GADL1: variants seen among roughly 807,000 people sequenced by gnomAD.
GADL1 encodes acidic amino acid decarboxylase GADL1.
In GADL1, 71 loss-of-function variants were observed where a neutral mutation model predicts 69.5. That is an observed-to-expected ratio of 1.02 (90% confidence interval 0.84 to 1.25). The LOEUF (loss-of-function observed/expected upper bound fraction) is 1.25. Among genes scored for constraint, GADL1 ranks in the 50% most tolerant of loss-of-function variants. The pLI, the probability that GADL1 is intolerant of heterozygous loss-of-function variation, is 0.00. For missense variants in GADL1, 737 were observed against 631.8 expected (o/e 1.17, Z -1.79); for synonymous variants, 254 against 214.4 (o/e 1.18, Z -1.62).
intron 14 of GADL1, among the ~76,000 whole-genome samples, chr3:30,766,847 G>A (rs201952769): frequency 2.1e-5 from 1 of 47,526 alleles, no homozygotes; most frequent in Admixed American, 2.1e-4. Context: ...TATGGGACAA[G>A]GGGGGAAACA....
At chr3:30,737,142 C>T (rs780180448) in intron 14 of GADL1, among the ~76,000 whole-genome samples, 2 of 152,032 alleles carry the variant, frequency 1.3e-5, no homozygotes, top group Admixed American at 1.3e-4. Context: ...GAATTTCAGT[C>T]GAATAAGCCT....
At chr3:30,821,721 TA>T (rs1697584640) in intron 11 of GADL1, among the ~76,000 whole-genome samples, 1 of 151,284 alleles carries the variant, frequency 6.6e-6, no homozygotes, top group Non-Finnish European at 1.5e-5. Flanking sequence ...GAAGAATAAA[TA>T]GATGATAATA....
chr3:30,840,211 G>A (rs920698579), intron 8 of GADL1, among the ~76,000 whole-genome samples: 5 of 152,120 alleles, frequency 3.3e-5, no homozygotes, highest in African/African-American at 7.2e-5. Context: ...TTTAATGCCA[G>A]GGATTATTGT....
At chr3:30,742,297 C>T (rs1278524048) in intron 14 of GADL1, among the ~76,000 whole-genome samples, 1 of 150,980 alleles carries the variant, frequency 6.6e-6, no homozygotes, top group African/African-American at 2.4e-5. Flanking sequence ...TTTTTTTGGC[C>T]TTAAACTTTT....
At chr3:30,844,337 T>C in intron 7 of GADL1, 50 bp downstream of exon 7, 2 of 1,566,318 alleles carry the variant, frequency 1.3e-6, no homozygotes, top group Non-Finnish European at 1.8e-6. Flanking sequence ...TTATAAACCA[T>C]ATAAACTTTT....
chr3:30,789,523 A>G (rs1433791630), intron 12 of GADL1, among the ~76,000 whole-genome samples: 1 of 152,156 alleles, frequency 6.6e-6, no homozygotes. Flanking sequence ...CTAACAATAG[A>G]TTCAGCCTGT....
chr3:30,744,439 G>A (rs1313538831), intron 14 of GADL1, among the ~76,000 whole-genome samples: 2 of 152,156 alleles, frequency 1.3e-5, no homozygotes, highest in Non-Finnish European at 2.9e-5. Flanking sequence ...GATAGTAGCT[G>A]AGTATGATGA....
chr3:30,789,079 C>A (rs528024366), intron 12 of GADL1, among the ~76,000 whole-genome samples: 3 of 152,282 alleles, frequency 2.0e-5, no homozygotes, highest in African/African-American at 7.2e-5. Flanking sequence ...ATTTTCAATT[C>A]ACTTTGCCCA....
intron 11 of GADL1, among the ~76,000 whole-genome samples, chr3:30,809,036 C>T (rs772784601): frequency 2.0e-5 from 3 of 152,158 alleles, no homozygotes; most frequent in Non-Finnish European, 2.9e-5. Flanking sequence ...GAGCTATTCA[C>T]TTATAATTGG....
intron 1 of GADL1, among the ~76,000 whole-genome samples, chr3:30,863,451 A>G (rs935157734): frequency 6.6e-6 from 1 of 151,984 alleles, no homozygotes; most frequent in Non-Finnish European, 1.5e-5. Context: ...TATATCTGAG[A>G]AGAAAGGTTA....
chr3:30,819,132 C>G (rs17026634), intron 11 of GADL1, among the ~76,000 whole-genome samples: 1 of 151,784 alleles, frequency 6.6e-6, no homozygotes, highest in African/African-American at 2.4e-5. Context: ...ACCTAGAATT[C>G]GAGCTGAGAG....
At chr3:30,867,147 A>G (rs1175538673) in intron 1 of GADL1, among the ~76,000 whole-genome samples, 1 of 152,004 alleles carries the variant, frequency 6.6e-6, no homozygotes, top group Non-Finnish European at 1.5e-5. Context: ...TGGGAAAATT[A>G]ATGAAGATTC....
At chr3:30,743,504 C>A (rs1695655780) in intron 14 of GADL1, among the ~76,000 whole-genome samples, 1 of 152,104 alleles carries the variant, frequency 6.6e-6, no homozygotes, top group South Asian at 2.1e-4. Context: ...GCACTCATCC[C>A]AGAAAGAAAA....
chr3:30,849,377 G>A (rs997139376), intron 6 of GADL1, among the ~76,000 whole-genome samples: 15 of 152,130 alleles, frequency 9.9e-5, no homozygotes, highest in Admixed American at 7.2e-4. Context: ...GGAAACTGAG[G>A]CACAAAGAAA....
intron 1 of GADL1, among the ~76,000 whole-genome samples, chr3:30,870,535 A>G (rs1698465611): frequency 6.6e-6 from 1 of 151,780 alleles, no homozygotes; most frequent in Non-Finnish European, 1.5e-5. Context: ...AAGCCACTTA[A>G]GGGTTTTAAA....
intron 14 of GADL1, among the ~76,000 whole-genome samples, chr3:30,729,826 T>G (rs996323086): frequency 5.9e-5 from 9 of 152,192 alleles, no homozygotes; most frequent in African/African-American, 2.2e-4. Flanking sequence ...ATATAAGTCT[T>G]GCAAAACATG....
intron 11 of GADL1, among the ~76,000 whole-genome samples, chr3:30,826,245 C>T (rs1331597447): frequency 6.6e-6 from 1 of 151,914 alleles, no homozygotes; most frequent in Non-Finnish European, 1.5e-5. Context: ...TATTTTTCAA[C>T]TGCTGGTCTT....
intron 1 of GADL1, among the ~76,000 whole-genome samples, chr3:30,886,045 A>T (rs1258831749): frequency 6.6e-6 from 1 of 152,282 alleles, no homozygotes; most frequent in East Asian, 1.9e-4. Context: ...AAAATTCTAA[A>T]TACACATCAA....
chr3:30,828,823 G>A (rs1002704636), intron 11 of GADL1, among the ~76,000 whole-genome samples: 1 of 151,824 alleles, frequency 6.6e-6, no homozygotes, highest in Non-Finnish European at 1.5e-5. Context: ...GAATGTAAAT[G>A]CTTTTGAAGA....
Sources: gnomAD v4.1 joint callset for allele counts (sites outside exome capture counted in the v4.1 genomes callset) on GRCh38, gnomAD v4.1.1 for gene constraint, MANE v1.5 for transcripts, NCBI Gene and HGNC (gene_info 2026-07-23, HGNC 2026-07-21) for gene names.